Variants in ZBTB7A observed in about 807,000 individuals in gnomAD.
ZBTB7A encodes the protein zinc finger and BTB domain containing 7A.
ZBTB7A carries 7 observed loss-of-function variants against 26.7 expected under a neutral mutation model. The ratio of observed to expected loss-of-function variants is 0.26; its 90% confidence interval spans 0.15 to 0.49. ZBTB7A has a LOEUF of 0.49. ZBTB7A is among the 20% of genes least tolerant of loss of function. The pLI, the probability that ZBTB7A is intolerant of heterozygous loss-of-function variation, is 0.98. For missense variants in ZBTB7A, 617 were observed against 919.5 expected, an observed-to-expected ratio of 0.67 and a Z score of 4.25; for synonymous variants, 452 against 441.0, an observed-to-expected ratio of 1.02 and a Z score of -0.31.
intron 1 of ZBTB7A, among the ~76,000 whole-genome samples, chr19:4,066,470 C>T (rs2040697133): frequency 6.6e-6 from 1 of 151,692 alleles, no homozygotes; most frequent in Non-Finnish European, 1.5e-5. Context: ...CCCCCAATCC[C>T]CCCTTCCCGG....
rs183358997 is a variant in ZBTB7A at position 4,053,835 on chromosome 19, C to G, written c.1262+136G>C. 8 of 991,964 alleles carry G rather than the reference C, an allele frequency of 8.1e-6. No individual in the cohort carries two copies. The African/African-American group carries it at 1.3e-4, about 16-fold the overall frequency. 61.4% of individuals were successfully genotyped at this position (991,964 alleles called of 1,614,324 possible). Reference sequence around the variant, plus strand: ...TGCATGTGTCTGTGCGTGTACGTGTCTGTGTGCACGTGCGTGTATGTGTGC... The same window carrying G: ...TGCATGTGTCTGTGCGTGTACGTGTGTGTGTGCACGTGCGTGTATGTGTGC... On this transcript the variant is annotated intron_variant, in intron 2 of 2. Coordinates refer to ENST00000322357, the MANE Select transcript of ZBTB7A (RefSeq NM_015898.4).
At chr19:4,049,146 A>ATGTGTGTG (rs1423792197) in intron 2 of ZBTB7A, among the ~76,000 whole-genome samples, 1 of 34,648 alleles carries the variant, frequency 2.9e-5, no homozygotes, top group Non-Finnish European at 5.4e-5. Context: ...CTATTAAACT[A>ATGTGTGTG]TATGTGTGTG....
rs1031206430 is a variant in ZBTB7A at position 4,044,035 on chromosome 19, C to T, written c.*3717G>A. ...GCCTCCAACCATTCTGGTTGCCGGG[C>T]GGGAGGGGGCACCCCGAGGCCCCTG... On this transcript the variant is annotated 3_prime_UTR_variant, in exon 3 of 3. Transcript: ENST00000322357. Among the ~76,000 whole-genome samples, 10 of 151,648 alleles carry T rather than the reference C, an allele frequency of 6.6e-5. No individual in the cohort carries two copies. The highest frequency in any genetic ancestry group is 9.7e-5 in the African/African-American group (4 of 41,254).
intron 1 of ZBTB7A, among the ~76,000 whole-genome samples, chr19:4,062,426 C>G (rs534933732): frequency 6.6e-6 from 1 of 152,202 alleles, no homozygotes; most frequent in Non-Finnish European, 1.5e-5. Context: ...ACCCACGGTA[C>G]GTGACGGCAC....
chr19:4,060,261 A>C (rs1445641423), intron 1 of ZBTB7A, among the ~76,000 whole-genome samples: 1 of 151,888 alleles, frequency 6.6e-6, no homozygotes, highest in African/African-American at 2.4e-5. Flanking sequence ...AAACCGCCGG[A>C]TAAACCAGAG....
intron 1 of ZBTB7A, among the ~76,000 whole-genome samples, chr19:4,064,094 G>T (rs1245247299): frequency 6.6e-6 from 1 of 152,218 alleles, no homozygotes; most frequent in East Asian, 1.9e-4. Flanking sequence ...TGCCTCGGCC[G>T]CGCCTCAGTC....
At chr19:4,062,395 G>A (rs1270377128) in intron 1 of ZBTB7A, among the ~76,000 whole-genome samples, 1 of 152,204 alleles carries the variant, frequency 6.6e-6, no homozygotes, top group African/African-American at 2.4e-5. Context: ...GGGAGGCTGG[G>A]CCTTGATAAT....
rs749890922 is a variant in ZBTB7A at position 4,047,923 on chromosome 19, G to A, written c.1584C>T (p.Asp528=). 10 of 1,512,656 alleles carry A rather than the reference G, an allele frequency of 6.6e-6. No homozygotes were observed. In the African/African-American group the frequency reaches 1.0e-4, roughly 15 times the overall value. The allele number at this position is 1,512,656 out of a possible 1,614,324, so 93.7% of individuals were successfully genotyped here. A position where few individuals can be genotyped will look rare whatever the true frequency, so the allele number is the denominator to read the frequency against. Residue 528 remains aspartate, a synonymous_variant, in exon 3 of 3, where the codon GAC becomes GAT. Transcript: ENST00000322357. ...PGAPAQPSSP[D]ARRNGQEKHF... is the part of the protein sequence containing the mutation. ...GCTTCTCCTGGCCGTTGCGCCGGGC[G>A]TCGGGGGAGCTGGGCTGGGCGGGGG...
rs1199332197 is a variant in ZBTB7A, at chr19:4,047,699, TTC to T, written c.*51_*52del. ...TTGGGGGGGTGGTGGGTGATTTTTT[TTC>T]TCTCTCTCTGTCTCTCTCTTTCTCG... On this transcript the variant is annotated 3_prime_UTR_variant, in exon 3 of 3. Coordinates refer to ENST00000322357, the MANE Select transcript of ZBTB7A (RefSeq NM_015898.4). 125 of 1,540,044 alleles carry T rather than the reference TTC, an allele frequency of 8.1e-5. No homozygotes were observed. The highest frequency in any genetic ancestry group is 9.8e-5 in the Non-Finnish European group (112 of 1,147,896).
intron 1 of ZBTB7A, among the ~76,000 whole-genome samples, chr19:4,059,161 A>C (rs1205057995): frequency 2.0e-5 from 3 of 152,062 alleles, no homozygotes; most frequent in Non-Finnish European, 4.4e-5. Flanking sequence ...TACCCACCCC[A>C]GCATGGGGGG....
chr19:4,046,301 C>T lies in ZBTB7A; in HGVS notation c.*1451G>A, dbSNP rs1013653833. Reference sequence around the variant, plus strand: ...TGGCTTCCTCCTGAACCCCCCTTCTCGCTTTTTGGGGAACAGAAGTGGATT... The same window carrying T: ...TGGCTTCCTCCTGAACCCCCCTTCTTGCTTTTTGGGGAACAGAAGTGGATT... On this transcript the variant is annotated 3_prime_UTR_variant, in exon 3 of 3. Coordinates refer to ENST00000322357, the MANE Select transcript of ZBTB7A (RefSeq NM_015898.4). 12 of 376,084 alleles carry T rather than the reference C, an allele frequency of 3.2e-5. No homozygotes were observed. Among genetic ancestry groups the T allele is most frequent in the Admixed American group, 1.8e-4 (4 of 22,008 alleles). 23.3% of individuals were successfully genotyped at this position (376,084 alleles called of 1,614,324 possible). A position where few individuals can be genotyped will look rare whatever the true frequency, so the allele number is the denominator to read the frequency against.
rs2040446161 is a variant in ZBTB7A at position 4,048,022 on chromosome 19, C to T, written c.1485G>A (p.Ser495=). 8 of 1,497,518 alleles carry T rather than the reference C, an allele frequency of 5.3e-6. No homozygotes were observed. In the East Asian group the frequency reaches 1.9e-4, roughly 36 times the overall value. 92.8% of individuals were successfully genotyped at this position (1,497,518 alleles called of 1,614,324 possible). A position where few individuals can be genotyped will look rare whatever the true frequency, so the allele number is the denominator to read the frequency against. The change falls in exon 3 of 3, where the codon TCG becomes TCA. Residue 495 remains serine (S), a synonymous_variant. Transcript: ENST00000322357. This position sits in a 1 kb window ranked among gnomAD's most constrained non-coding sequence, Gnocchi z 6.7. ...GGACGCGGGGCTTGCGGCCGCGGCG[C>T]GAGGGGACGCCGTTGCAGCCGTCTT... ...LKKDGCNGVP[S]RRGRKPRVRG...
Position 4,048,632 on chromosome 19 carries a change from A to C in ZBTB7A, c.1263-388T>G, listed in dbSNP as rs2040455322. 6.6e-6 allele frequency among the ~76,000 whole-genome samples: 1 copy of C among 151,906 alleles called. No homozygotes were observed. Among genetic ancestry groups the C allele is most frequent in the Non-Finnish European group, 1.5e-5 (1 of 67,998 alleles). ...GATCACTTGAGGCCAGGAGTTCGAG[A>C]CCAGCCTGATCGACACGGTGAAACC... On this transcript the variant is annotated intron_variant, in intron 2 of 2. Transcript: ENST00000322357. This position sits in a 1 kb window ranked among gnomAD's most constrained non-coding sequence, Gnocchi z 6.7.
In ZBTB7A at chr19:4,046,096, G is replaced by A; in HGVS notation, c.*1656C>T. The A allele has an allele frequency of 2.5e-6, 1 of 399,050 alleles. No individual in the cohort carries two copies. The allele number at this position is 399,050 out of a possible 1,614,324, so 24.7% of individuals were successfully genotyped here. ...AGGCCCATCCCTGAGCTAGGGAGGA[G>A]GAAGGAGAGACCCCGTGGACAGAAG... is the stretch of plus-strand genomic sequence containing the variant. On this transcript the variant is annotated 3_prime_UTR_variant, in exon 3 of 3. Transcript: ENST00000322357.
At chr19:4,065,123 G>C (rs1288770324) in intron 1 of ZBTB7A, among the ~76,000 whole-genome samples, 2 of 151,558 alleles carry the variant, frequency 1.3e-5, no homozygotes, top group Non-Finnish European at 3.0e-5. Context: ...TCCCCTGCCC[G>C]GGCTCAGGCT....
chr19:4,063,223 C>T (rs1044511442), intron 1 of ZBTB7A, among the ~76,000 whole-genome samples: 2 of 152,192 alleles, frequency 1.3e-5, no homozygotes, highest in Non-Finnish European at 2.9e-5. Flanking sequence ...CAGGCAGCAG[C>T]TGGGGGACCC....
chr19:4,056,001 T>A (rs887892240), intron 1 of ZBTB7A, among the ~76,000 whole-genome samples: 7 of 151,252 alleles, frequency 4.6e-5, no homozygotes, highest in Admixed American at 1.3e-4. Flanking sequence ...TGTTCCCAAG[T>A]GCAGTCAAAT....
At position 4,047,928 on chromosome 19, in the gene ZBTB7A, G is replaced by A; in HGVS notation, c.1579C>T (p.Pro527Ser). Reference protein sequence around the residue: ...TPGAPAQPSSPDARRNGQEKH... With the variant: ...TPGAPAQPSSSDARRNGQEKH... ...TCCTGGCCGTTGCGCCGGGCGTCGG[G>A]GGAGCTGGGCTGGGCGGGGGCGCCG... The change falls in exon 3 of 3, where the codon CCC becomes TCC. Residue 527 changes from proline to serine, a missense_variant. By Grantham distance (74) the Pro-to-Ser change is moderately conservative. Around this residue, in one of 5 missense-constraint regions of ZBTB7A, gnomAD observed 136 missense variants for 126.6 expected, o/e 1.07. Coordinates refer to ENST00000322357, the MANE Select transcript of ZBTB7A (RefSeq NM_015898.4). The A allele has an allele frequency of 6.6e-7, 1 of 1,504,792 alleles. No individual in the cohort carries two copies. The highest frequency in any genetic ancestry group is 8.9e-7 in the Non-Finnish European group (1 of 1,125,502). 93.2% of individuals were successfully genotyped at this position (1,504,792 alleles called of 1,614,324 possible). A position where few individuals can be genotyped will look rare whatever the true frequency, so the allele number is the denominator to read the frequency against.
chr19:4,050,212 A>T (rs1453438154), intron 2 of ZBTB7A, among the ~76,000 whole-genome samples: 4 of 151,658 alleles, frequency 2.6e-5, no homozygotes, highest in Non-Finnish European at 5.9e-5. Context: ...GGCGTGCGCC[A>T]CCACACCTGG....
Sources: gnomAD v4.1 joint callset for allele counts (sites outside exome capture counted in the v4.1 genomes callset) on GRCh38, gnomAD v4.1.1 for gene constraint, gnomAD v4.1.1 regional missense constraint, Gnocchi (gnomAD v3.1) non-coding constraint, MANE v1.5 for transcripts, NCBI Gene and HGNC (gene_info 2026-07-23, HGNC 2026-07-21) for gene names.